The following AMOTL1 variants were observed in gnomAD, a reference collection of about 807,000 sequenced individuals.
AMOTL1 encodes the protein angiomotin like 1, also known as angiomotin-like protein 1.
AMOTL1 carries 45 observed loss-of-function variants against 102.9 expected under a neutral mutation model. That is an observed-to-expected ratio of 0.44 (90% CI 0.34 to 0.56). The LOEUF is 0.56. Among genes scored for constraint, AMOTL1 ranks in the 20% least tolerant of loss-of-function variants. The probability of loss-of-function intolerance (pLI) is 0.01; values close to 1 mark genes in which losing one functional copy is unlikely to be tolerated. For synonymous variants in AMOTL1, 481 were observed against 484.7 expected, an observed-to-expected ratio of 0.99 and a Z score of 0.10; for missense variants, 1,114 against 1,225.6, an observed-to-expected ratio of 0.91 and a Z score of 1.36.
chr11:94,869,514 G>T, intron 12 of AMOTL1, 41 bp downstream of exon 12: 1 of 1,538,148 alleles, frequency 6.5e-7, no homozygotes, highest in Non-Finnish European at 8.8e-7. Flanking sequence ...GAAAACTGTG[G>T]AACTGTCTGG....
chr11:94,734,678 G>A (rs908789599), intron 2 of AMOTL1, among the ~76,000 whole-genome samples: 6 of 152,280 alleles, frequency 3.9e-5, no homozygotes, highest in Admixed American at 3.3e-4. Context: ...GGGAGGAGGA[G>A]CGGGTATTGC....
At chr11:94,711,986 C>T (rs1950028861) in intron 1 of AMOTL1, among the ~76,000 whole-genome samples, 1 of 151,960 alleles carries the variant, frequency 6.6e-6, no homozygotes, top group South Asian at 2.1e-4. Context: ...GGGTTTTATG[C>T]TAAGTTTTTA....
chr11:94,772,167 T>C (rs778495678), intron 1 of AMOTL1, among the ~76,000 whole-genome samples: 4 of 152,176 alleles, frequency 2.6e-5, no homozygotes, highest in Admixed American at 1.3e-4. Context: ...AACCAGGAAA[T>C]TGACATTGGT....
chr11:94,774,880 T>C (rs958165039), intron 1 of AMOTL1, among the ~76,000 whole-genome samples: 5 of 152,232 alleles, frequency 3.3e-5, no homozygotes, highest in African/African-American at 1.2e-4. Context: ...CTAAGGTTAT[T>C]AGTTGATATA....
chr11:94,855,549 T>A (rs1952645155), intron 8 of AMOTL1, among the ~76,000 whole-genome samples: 1 of 152,152 alleles, frequency 6.6e-6, no homozygotes, highest in African/African-American at 2.4e-5. Context: ...AGTCTTTCTT[T>A]GGCTAACCAA....
chr11:94,791,439 C>T (rs181964457), intron 1 of AMOTL1, among the ~76,000 whole-genome samples: 5 of 152,336 alleles, frequency 3.3e-5, no homozygotes, highest in African/African-American at 9.6e-5. Context: ...TTTCCCTATG[C>T]ATACTAAAGC....
chr11:94,846,821 G>A (rs779206947), intron 6 of AMOTL1, among the ~76,000 whole-genome samples: 1 of 151,848 alleles, frequency 6.6e-6, no homozygotes, highest in Non-Finnish European at 1.5e-5. Flanking sequence ...TTTTTTAGTG[G>A]CATTTTCCTC....
intron 1 of AMOTL1, among the ~76,000 whole-genome samples, chr11:94,787,827 T>C (rs572000542): frequency 1.3e-5 from 2 of 150,310 alleles, no homozygotes; most frequent in East Asian, 2.0e-4. Flanking sequence ...CAAAGTGACG[T>C]TGGGTAACTT....
rs143884638 is a variant in AMOTL1 at position 94,762,313 on chromosome 11, T to G, written c.136+21325T>G. Among the ~76,000 whole-genome samples, 387 of 152,172 alleles carry G rather than the reference T, an allele frequency of 2.5e-3. 1 individual carries two copies. The highest frequency in any genetic ancestry group is 4.5e-3 in the Non-Finnish European group (303 of 67,990). ...TTTTAAAGTGGGTAACATCAATTAA[T>G]CAACTAACTCAGTGGTTCTCAATCA... On this transcript the variant is annotated intron_variant, in intron 3 of 4. Coordinates refer to the AMOTL1 transcript ENST00000299004.
chr11:94,758,207 T>C (rs555946882), intron 3 of AMOTL1, among the ~76,000 whole-genome samples: 250 of 152,358 alleles, frequency 1.6e-3, no homozygotes, highest in Non-Finnish European at 2.8e-3. Context: ...TTCAAAGATA[T>C]GGAGCAGTGC....
At position 94,778,994 on chromosome 11, in the gene AMOTL1, G is replaced by A. The variant is rs762737525; in HGVS notation, c.49+10434G>A. 8.5e-5 allele frequency among the ~76,000 whole-genome samples: 13 copies of A among 152,260 alleles called. 1 individual carries two copies. The highest frequency in any genetic ancestry group is 6.8e-3 in the Middle Eastern group (2 of 294). Reference sequence around the variant, plus strand: ...TTTATGATTTAATTTTGGAAGTCACGTAGGGTTACTCCTCTATCTTCTCTT... The same window carrying A: ...TTTATGATTTAATTTTGGAAGTCACATAGGGTTACTCCTCTATCTTCTCTT... On this transcript the variant is annotated intron_variant, in intron 1 of 12. Coordinates refer to ENST00000433060, the MANE Select transcript of AMOTL1 (RefSeq NM_130847.3).
At chr11:94,826,584 G>T (rs1951967927) in intron 4 of AMOTL1, among the ~76,000 whole-genome samples, 1 of 152,182 alleles carries the variant, frequency 6.6e-6, no homozygotes, top group African/African-American at 2.4e-5. Context: ...AACGTGAAGA[G>T]CACGTCCTTC....
At chr11:94,741,739 C>G (rs1002456939) in intron 3 of AMOTL1, among the ~76,000 whole-genome samples, 2 of 151,694 alleles carry the variant, frequency 1.3e-5, no homozygotes, top group Admixed American at 6.6e-5. Context: ...CTTCTGCTTT[C>G]AAGGTTAGTT....
At chr11:94,833,752 A>G (rs1463287444) in intron 6 of AMOTL1, among the ~76,000 whole-genome samples, 2 of 152,198 alleles carry the variant, frequency 1.3e-5, no homozygotes, top group East Asian at 3.8e-4. Context: ...TGGGGAGGAG[A>G]CAGAGAGGTC....
At chr11:94,820,439 A>C (rs1951843735) in intron 3 of AMOTL1, 1 of 152,258 alleles carries the variant, frequency 6.6e-6, no homozygotes, top group Non-Finnish European at 1.5e-5. Flanking sequence ...TTGCACTGCT[A>C]CTTGCTGGCA....
chr11:94,838,875 T>C (rs984440192), intron 6 of AMOTL1, among the ~76,000 whole-genome samples: 1 of 151,670 alleles, frequency 6.6e-6, no homozygotes, highest in African/African-American at 2.4e-5. Context: ...AATTAGCTAA[T>C]GATGGAGAAA....
chr11:94,849,638 G>A (rs901061742), intron 6 of AMOTL1, among the ~76,000 whole-genome samples: 1 of 152,194 alleles, frequency 6.6e-6, no homozygotes. Context: ...GCCTGAGCTT[G>A]AAGCTCCCCT....
rs779191120 is a variant in AMOTL1, at chr11:94,821,741, G to A, written c.1333G>A (p.Val445Met). The A allele has an allele frequency of 6.2e-7, 1 of 1,614,050 alleles. No homozygotes were observed. Among genetic ancestry groups the A allele is most frequent in the Admixed American group, 1.7e-5 (1 of 60,028 alleles). Residue 445 changes from valine (V) to methionine (M), a missense_variant, in exon 4 of 13, where the codon GTG (valine) becomes ATG (methionine). Coordinates refer to ENST00000433060, the MANE Select transcript of AMOTL1 (RefSeq NM_130847.3). ...GATTGTGGAGCGAGCCCAGCAAATG[G>A]TGGAGATATTAACAGAGGAGAACCG... is the stretch of plus-strand genomic sequence containing the variant. ...FAIVERAQQM[V>M]EILTEENRVL...
intron 3 of AMOTL1, among the ~76,000 whole-genome samples, chr11:94,750,560 C>T (rs942987493): frequency 3.9e-5 from 6 of 152,172 alleles, no homozygotes; most frequent in South Asian, 4.2e-4. Flanking sequence ...GCTACGTGTG[C>T]GTAGCCTTGA....
Sources: allele counts gnomAD v4.1 joint callset (sites outside exome capture counted in the v4.1 genomes callset), GRCh38; gene constraint gnomAD v4.1.1; transcripts MANE v1.5; gene names NCBI Gene and HGNC (gene_info 2026-07-23, HGNC 2026-07-21).